The following TSNARE1 variants were observed in gnomAD, a reference collection of about 807,000 sequenced individuals.
The protein encoded by TSNARE1 is t-SNARE domain-containing protein 1.
In TSNARE1, 49 loss-of-function variants were observed where a neutral mutation model predicts 62.0. The ratio of observed to expected loss-of-function variants is 0.79; its 90% CI spans 0.63 to 1.00. The LOEUF (loss-of-function observed/expected upper bound fraction) is 1.00, where lower values mean the gene tolerates loss of function less well. TSNARE1 is among the 50% of genes least tolerant of loss of function. TSNARE1 has a pLI of 0.00. For synonymous variants in TSNARE1, 328 were observed against 294.4 expected (o/e 1.11, Z -1.17); for missense variants, 755 against 700.1 (o/e 1.08, Z -0.88).
Position 142,382,889 on chromosome 8 carries a change from G to A in TSNARE1, c.-40+20215C>T, listed in dbSNP as rs1290145321. On this transcript the variant is annotated intron_variant, in intron 1 of 13. Transcript: ENST00000524325. ...CGGAGTGGGCCCGGCCCTCGTCCAG[G>A]GTGGAGGCAGCAGGCAGCAGGCGGT... Among the ~76,000 whole-genome samples the A allele has an allele frequency of 2.0e-5, 3 of 152,224 alleles. No individual in the cohort carries two copies. In the East Asian group the frequency reaches 5.8e-4, roughly 29 times the overall value.
At chr8:142,296,873 G>C (rs1212070523) in intron 10 of TSNARE1, among the ~76,000 whole-genome samples, 5 of 152,142 alleles carry the variant, frequency 3.3e-5, no homozygotes, top group Non-Finnish European at 5.9e-5. Context: ...GCGGGGGCAA[G>C]GTCACTGCCC....
intron 12 of TSNARE1, among the ~76,000 whole-genome samples, chr8:142,255,512 C>G (rs1190364887): frequency 2.3e-5 from 1 of 43,082 alleles, no homozygotes; most frequent in Admixed American, 2.2e-4. Flanking sequence ...ACCACTGTCA[C>G]CATCACCACC....
At chr8:142,246,312 T>C (rs1040977006) in intron 12 of TSNARE1, among the ~76,000 whole-genome samples, 1 of 152,102 alleles carries the variant, frequency 6.6e-6, no homozygotes, top group African/African-American at 2.4e-5. Flanking sequence ...ACTGTGCTGG[T>C]GGGCCAGGTC....
At chr8:142,247,759 C>T (rs759399199) in intron 12 of TSNARE1, 2 of 152,202 alleles carry the variant, frequency 1.3e-5, no homozygotes, top group Non-Finnish European at 2.9e-5. Flanking sequence ...CATATAGATC[C>T]GAACTTAGTG....
chr8:142,294,614 T>C (rs1332545244), intron 10 of TSNARE1, among the ~76,000 whole-genome samples: 43 of 152,090 alleles, frequency 2.8e-4, no homozygotes, highest in Admixed American at 2.8e-3. Flanking sequence ...GGAAGCCAGC[T>C]CTCTCCTGGC....
chr8:142,267,403 A>T (rs1819192834), intron 12 of TSNARE1, among the ~76,000 whole-genome samples: 1 of 152,176 alleles, frequency 6.6e-6, no homozygotes, highest in South Asian at 2.1e-4. Context: ...GGCCGTGCTC[A>T]TTTGAGCCAG....
Position 142,223,997 on chromosome 8 carries a change from C to G in TSNARE1, c.*11+5476G>C, listed in dbSNP as rs184959946. Among the ~76,000 whole-genome samples the G allele has an allele frequency of 4.9e-3, 574 of 116,066 alleles. 4 individuals carry two copies. Among genetic ancestry groups the G allele is most frequent in the African/African-American group, 0.017 (551 of 31,792 alleles). The allele number at this position is 116,066 out of a possible 152,430, so 76.1% of individuals were successfully genotyped here. ...GGCAGGGCTTTCTGAAGAGACTGCT[C>G]GGGGCCATTTCATCCTCTGAGAGCT... On this transcript the variant is annotated intron_variant, in intron 13 of 13. Transcript: ENST00000524325.
chr8:142,378,846 A>G (rs1836524806), intron 1 of TSNARE1, among the ~76,000 whole-genome samples: 1 of 152,146 alleles, frequency 6.6e-6, no homozygotes, highest in Admixed American at 6.5e-5. Context: ...CCAACAGCCC[A>G]CCGCAGGCCC....
At chr8:142,267,951 T>C (rs530330137) in intron 12 of TSNARE1, among the ~76,000 whole-genome samples, 2 of 152,306 alleles carry the variant, frequency 1.3e-5, no homozygotes, top group East Asian at 3.9e-4. Context: ...AAAGCTCTGA[T>C]CCTGACAGGT....
At chr8:142,365,994 T>C (rs929412841) in intron 1 of TSNARE1, 1 of 418,540 alleles carries the variant, frequency 2.4e-6, no homozygotes, top group Non-Finnish European at 4.6e-6. Context: ...ACATTTCCAA[T>C]GTGCCAAAAA....
chr8:142,276,604 C>T (rs532506745), intron 11 of TSNARE1: 1 of 985,294 alleles, frequency 1.0e-6, no homozygotes, highest in Non-Finnish European at 1.2e-6. Flanking sequence ...GGCCATGTGC[C>T]CTGGCTGGAC....
rs139397219 is a variant in TSNARE1 at position 142,270,796 on chromosome 8, G to A, written c.1446+3985C>T. The A allele has an allele frequency of 1.0e-3, 1,001 of 985,402 alleles. 8 individuals are homozygous for A. In the African/African-American group the frequency reaches 0.016, roughly 16 times the overall value. The allele number at this position is 985,402 out of a possible 1,614,324, so 61.0% of individuals were successfully genotyped here. On this transcript the variant is annotated intron_variant, in intron 12 of 13. Transcript: ENST00000524325. ...AGACTTCGCAGCTGCTGCCACATGG[G>A]GTTGGAGCCTCCAACAGCATCATCC...
chr8:142,270,976 C>A, intron 12 of TSNARE1: 1 of 985,518 alleles, frequency 1.0e-6, no homozygotes, highest in African/African-American at 1.7e-5. Context: ...GGAGTTGTCC[C>A]GGTGCCCTGG....
intron 1 of TSNARE1, among the ~76,000 whole-genome samples, chr8:142,400,567 C>T (rs540202946): frequency 3.3e-5 from 5 of 151,854 alleles, no homozygotes; most frequent in Admixed American, 2.6e-4. Context: ...GATGAAACCC[C>T]GTCTCTACTA....
intron 12 of TSNARE1, chr8:142,270,719 G>A (rs1434469565): frequency 4.1e-6 from 4 of 985,222 alleles, no homozygotes; most frequent in Non-Finnish European, 4.8e-6. Context: ...TGAGCAGGGG[G>A]CCCCTCAGTG....
intron 7 of TSNARE1, among the ~76,000 whole-genome samples, chr8:142,315,489 T>G (rs1278537354): frequency 6.6e-6 from 1 of 152,210 alleles, no homozygotes; most frequent in Non-Finnish European, 1.5e-5. Context: ...CCCCAGCATC[T>G]CGCCTGTATC....
At chr8:142,253,531 G>T (rs1306170962) in intron 12 of TSNARE1, among the ~76,000 whole-genome samples, 3 of 146,538 alleles carry the variant, frequency 2.0e-5, no homozygotes, top group Non-Finnish European at 4.5e-5. Flanking sequence ...ACTGCAGTAG[G>T]GCGGTCACCC....
intron 11 of TSNARE1, 41 bp from the exon 12 acceptor site, chr8:142,274,904 C>T: frequency 6.8e-7 from 1 of 1,470,288 alleles, no homozygotes; most frequent in Non-Finnish European, 9.1e-7. Context: ...AGATGGAGGC[C>T]CAGCCGCCCC....
chr8:142,392,812 T>G (rs1013442473), intron 1 of TSNARE1, among the ~76,000 whole-genome samples: 1 of 152,048 alleles, frequency 6.6e-6, no homozygotes, highest in African/African-American at 2.4e-5. Flanking sequence ...TGGTGACACA[T>G]GCCTGTAATC....
Sources: gnomAD v4.1 joint callset for allele counts (sites outside exome capture counted in the v4.1 genomes callset) on GRCh38, gnomAD v4.1.1 for gene constraint, MANE v1.5 for transcripts, NCBI Gene and HGNC (gene_info 2026-07-23, HGNC 2026-07-21) for gene names.